TNRC6A: variants seen among roughly 807,000 people sequenced by gnomAD.
TNRC6A encodes the protein trinucleotide repeat-containing gene 6A protein.
A neutral mutation model predicts 221.2 loss-of-function variants in TNRC6A; 44 were observed. The ratio of observed to expected loss-of-function variants is 0.20; its 90% CI spans 0.16 to 0.26. The LOEUF (loss-of-function observed/expected upper bound fraction) is 0.26. Ranked by LOEUF, TNRC6A falls within the 10% of genes least tolerant of loss-of-function variation. The probability of loss-of-function intolerance (pLI) is 1.00; values close to 1 mark genes in which losing one functional copy is unlikely to be tolerated. For missense variants in TNRC6A, 2,199 were observed against 2,404.4 expected (o/e 0.91, Z 1.79); for synonymous variants, 847 against 838.5 (o/e 1.01, Z -0.18).
chr16:24,743,746 A>T (rs151142117), intron 2 of TNRC6A, among the ~76,000 whole-genome samples: 214 of 152,320 alleles, frequency 1.4e-3, no homozygotes, highest in African/African-American at 5.0e-3. Flanking sequence ...CTCTTTTTAT[A>T]CATACTGTTT....
intron 2 of TNRC6A, among the ~76,000 whole-genome samples, chr16:24,740,781 G>C (rs1016010776): frequency 6.6e-6 from 1 of 152,102 alleles, no homozygotes. Flanking sequence ...TGGAAACTCT[G>C]TACCCGTTAA....
At chr16:24,819,856 G>T in intron 21 of TNRC6A, 1 of 417,166 alleles carries the variant, frequency 2.4e-6, no homozygotes, top group Non-Finnish European at 4.3e-6. Context: ...GAGCAATTCA[G>T]ATTGTTTTCC....
intron 2 of TNRC6A, among the ~76,000 whole-genome samples, chr16:24,709,685 C>T (rs932427063): frequency 1.2e-4 from 18 of 151,488 alleles, no homozygotes; most frequent in Non-Finnish European, 2.4e-4. Context: ...ATTAGCTGGG[C>T]ATGGTGGCAC....
At chr16:24,804,972 C>T in intron 13 of TNRC6A, 42 bp from the exon 14 acceptor site, 1 of 1,614,046 alleles carries the variant, frequency 6.2e-7, no homozygotes, top group Admixed American at 1.7e-5. Flanking sequence ...ATGTTTGTCC[C>T]TAAAGAATCC....
At chr16:24,733,386 G>T (rs1014611749) in intron 2 of TNRC6A, among the ~76,000 whole-genome samples, 6 of 152,090 alleles carry the variant, frequency 3.9e-5, no homozygotes, top group Admixed American at 3.9e-4. Context: ...AACAACATTG[G>T]CACAAATAAT....
chr16:24,686,148 C>A (rs556651548), intron 2 of TNRC6A, among the ~76,000 whole-genome samples: 1 of 152,128 alleles, frequency 6.6e-6, no homozygotes, highest in Admixed American at 6.6e-5. Flanking sequence ...AGGGCCTCTC[C>A]GGTCTCCATG....
chr16:24,656,985 C>G (rs764899245), intron 2 of TNRC6A, among the ~76,000 whole-genome samples: 17 of 151,922 alleles, frequency 1.1e-4, no homozygotes, highest in Non-Finnish European at 2.2e-4. Context: ...TAAATAAAAC[C>G]ATGACCTGGG....
intron 2 of TNRC6A, among the ~76,000 whole-genome samples, chr16:24,698,732 G>T (rs948649161): frequency 2.6e-5 from 4 of 151,676 alleles, no homozygotes; most frequent in African/African-American, 9.7e-5. Flanking sequence ...TTGTTTTTTT[G>T]GCAGAGTCTT....
upstream of TNRC6A, among the ~76,000 whole-genome samples, chr16:24,725,998 T>TAA (rs200509728): frequency 9.4e-5 from 12 of 128,118 alleles, no homozygotes; most frequent in Non-Finnish European, 1.0e-4. Context: ...AGACTATGTC[T>TAA]AAAAAAAAAA....
intron 6 of TNRC6A, among the ~76,000 whole-genome samples, chr16:24,792,882 A>G (rs1316327259): frequency 6.8e-6 from 1 of 147,494 alleles, no homozygotes; most frequent in Non-Finnish European, 1.5e-5. Flanking sequence ...TCCACCTCCC[A>G]GGTTCAAGCA....
intron 2 of TNRC6A, among the ~76,000 whole-genome samples, chr16:24,696,347 C>CAAAAA (rs56696667): frequency 8.0e-6 from 1 of 125,626 alleles, no homozygotes; most frequent in Non-Finnish European, 1.7e-5. Flanking sequence ...GACTCCATCT[C>CAAAAA]AAAAAAAAAA....
intron 21 of TNRC6A, 149 bp from the exon 22 acceptor site, chr16:24,819,990 T>C (rs2058735472): frequency 7.1e-6 from 5 of 700,218 alleles, no homozygotes. Flanking sequence ...GGACTGATTT[T>C]CTTTTTTGGC....
intron 1 of TNRC6A, among the ~76,000 whole-genome samples, chr16:24,639,153 T>C (rs931744786): frequency 6.6e-6 from 1 of 152,194 alleles, no homozygotes; most frequent in African/African-American, 2.4e-5. Context: ...ATAGGGTTGA[T>C]AATTGTTTAA....
intron 11 of TNRC6A, among the ~76,000 whole-genome samples, chr16:24,799,329 C>CTT (rs1242201020): frequency 1.3e-5 from 2 of 152,188 alleles, no homozygotes; most frequent in African/African-American, 2.4e-5. Flanking sequence ...CATCCCAACC[C>CTT]TTTGACTACT....
At chr16:24,737,351 C>T (rs1333941041) in intron 2 of TNRC6A, among the ~76,000 whole-genome samples, 3 of 152,026 alleles carry the variant, frequency 2.0e-5, no homozygotes, top group Non-Finnish European at 4.4e-5. Context: ...GGCATAGCTT[C>T]TTTCCATCTT....
intron 2 of TNRC6A, among the ~76,000 whole-genome samples, chr16:24,645,864 A>AAAAAAAAAAAAAAAAAAC: frequency 6.9e-6 from 1 of 145,444 alleles, no homozygotes; most frequent in Non-Finnish European, 1.5e-5. Flanking sequence ...AAAAAAAAAA[A>AAAAAAAAAAAAAAAAAAC]AAATTAGCAG....
chr16:24,671,038 TC>T (rs1021087903), intron 2 of TNRC6A: 7 of 384,480 alleles, frequency 1.8e-5, no homozygotes, highest in Admixed American at 1.4e-4. Context: ...CAATCTCCTT[TC>T]CCCAGCAACC....
At chr16:24,739,864 TGTGTTGTTG>T (rs2056855212) in intron 2 of TNRC6A, among the ~76,000 whole-genome samples, 1 of 152,250 alleles carries the variant, frequency 6.6e-6, no homozygotes, top group African/African-American at 2.4e-5. Context: ...TTCTGTTACT[TGTGTTGTTG>T]GCAACAAATC....
At chr16:24,702,814 T>A (rs894330823) in intron 2 of TNRC6A, among the ~76,000 whole-genome samples, 4 of 151,910 alleles carry the variant, frequency 2.6e-5, no homozygotes, top group African/African-American at 9.7e-5. Flanking sequence ...GGCAGGCAGA[T>A]CATGAGGTCA....
Sources: gnomAD v4.1 joint callset for allele counts (sites outside exome capture counted in the v4.1 genomes callset) on GRCh38, gnomAD v4.1.1 for gene constraint, MANE v1.5 for transcripts, NCBI Gene and HGNC (gene_info 2026-07-23, HGNC 2026-07-21) for gene names.